The following PDZD2 variants were observed in gnomAD, a reference collection of about 807,000 sequenced individuals.
The protein encoded by PDZD2 is PDZ domain-containing protein 2.
Under a neutral mutation model 220.7 loss-of-function variants are expected in PDZD2, and 90 were observed. The ratio of observed to expected loss-of-function variants is 0.41; its 90% CI spans 0.34 to 0.49. The LOEUF (loss-of-function observed/expected upper bound fraction) is 0.49, where lower values mean the gene tolerates loss of function less well. Ranked by LOEUF, PDZD2 falls within the 20% of genes least tolerant of loss-of-function variation. The pLI, the probability that PDZD2 is intolerant of heterozygous loss-of-function variation, is 0.28. For synonymous variants in PDZD2, 1,375 were observed against 1,450.5 expected (o/e 0.95, Z 1.18); for missense variants, 3,174 against 3,608.5 (o/e 0.88, Z 3.08).
chr5:31,833,187 G>A lies in PDZD2; in HGVS notation c.476+33463G>A, dbSNP rs78597058. ...AGTGGCCACTAGAAACAAAGGTGGA[G>A]GCTGGGCCTGGTGACTCATGCCTGT... On this transcript the variant is annotated intron_variant, in intron 2 of 24. Coordinates refer to ENST00000438447, the MANE Select transcript of PDZD2 (RefSeq NM_178140.4). Among the ~76,000 whole-genome samples the A allele has an allele frequency of 1.1e-4, 16 of 152,308 alleles. No homozygotes were observed. In the East Asian group the frequency reaches 3.1e-3, roughly 29 times the overall value.
chr5:31,981,709 C>T (rs1561254872), intron 2 of PDZD2, among the ~76,000 whole-genome samples: 3 of 152,244 alleles, frequency 2.0e-5, no homozygotes, highest in East Asian at 1.9e-4. Flanking sequence ...TGCTTGGGAA[C>T]GAGTGATGTG....
chr5:31,750,477 G>A (rs148037890), intron 1 of PDZD2, among the ~76,000 whole-genome samples: 22 of 152,304 alleles, frequency 1.4e-4, no homozygotes, highest in African/African-American at 4.3e-4. Context: ...CCCTGTCCCC[G>A]TGGAGGTAGA....
At position 32,087,305 on chromosome 5, in the gene PDZD2, A is replaced by T. The variant is rs1421320722; in HGVS notation, c.3857A>T (p.His1286Leu). The T allele has an allele frequency of 1.9e-6, 3 of 1,614,022 alleles. No homozygotes were observed. Among genetic ancestry groups the T allele is most frequent in the South Asian group, 1.1e-5 (1 of 91,076 alleles). ...GCCAGGTCTCCAGTCAGGCTCCCCC[A>T]TGAGGGCAGCCCCTCCCCGGGGGAG... is the stretch of plus-strand genomic sequence containing the variant. ...CKARSPVRLP[H>L]EGSPSPGEKA... is the part of the protein sequence containing the mutation. The change falls in exon 20 of 25, where the codon CAT (histidine) becomes CTT (leucine). Residue 1286 changes from histidine to leucine, a missense_variant. Physicochemically the swap from His to Leu is moderately conservative, Grantham distance 99. Transcript: ENST00000438447. This position sits in a 1 kb window ranked among gnomAD's most constrained non-coding sequence, Gnocchi z 4.0.
At chr5:31,807,328 G>T (rs1283609098) in intron 2 of PDZD2, among the ~76,000 whole-genome samples, 1 of 152,204 alleles carries the variant, frequency 6.6e-6, no homozygotes, top group Non-Finnish European at 1.5e-5. Flanking sequence ...TACTTAGTGG[G>T]TGTGTGATGG....
chr5:31,969,229 A>G (rs1749047751), intron 2 of PDZD2, among the ~76,000 whole-genome samples: 1 of 152,098 alleles, frequency 6.6e-6, no homozygotes, highest in Admixed American at 6.6e-5. Flanking sequence ...ATGTTCAGCC[A>G]GGCACGATGG....
chr5:31,771,215 CTG>C (rs1409250549), intron 1 of PDZD2, among the ~76,000 whole-genome samples: 1 of 152,214 alleles, frequency 6.6e-6, no homozygotes, highest in Non-Finnish European at 1.5e-5. Context: ...CAGGGACTGT[CTG>C]TGACTATTTT....
At chr5:31,765,776 G>A (rs759064481) in intron 1 of PDZD2, among the ~76,000 whole-genome samples, 5 of 152,200 alleles carry the variant, frequency 3.3e-5, no homozygotes, top group African/African-American at 7.2e-5. Context: ...TGGGACCTTT[G>A]CAGGGCCTCA....
At chr5:31,665,672 T>A (rs1436431685) in intron 1 of PDZD2, among the ~76,000 whole-genome samples, 1 of 133,676 alleles carries the variant, frequency 7.5e-6, no homozygotes, top group Non-Finnish European at 1.6e-5. Context: ...TGCTGCCTTG[T>A]GAAAAGGTTC....
intron 2 of PDZD2, among the ~76,000 whole-genome samples, chr5:31,853,638 G>T (rs1057049151): frequency 4.6e-5 from 7 of 152,184 alleles, no homozygotes; most frequent in Admixed American, 3.3e-4. Flanking sequence ...AATGGTACTG[G>T]AATTGAAGCT....
intron 2 of PDZD2, among the ~76,000 whole-genome samples, chr5:31,938,913 G>A (rs995097914): frequency 6.6e-6 from 1 of 152,174 alleles, no homozygotes; most frequent in Admixed American, 6.5e-5. Context: ...GCCTCGGTAT[G>A]GAGCCATCTT....
At chr5:31,749,191 T>C (rs1032840184) in intron 1 of PDZD2, among the ~76,000 whole-genome samples, 3 of 152,194 alleles carry the variant, frequency 2.0e-5, no homozygotes, top group Non-Finnish European at 2.9e-5. Context: ...CCTGGTAGCA[T>C]TGAACATGCC....
chr5:32,090,688 A>G lies in PDZD2; in HGVS notation c.7240A>G (p.Met2414Val). The change falls in exon 20 of 25, where the codon ATG becomes GTG. Residue 2414 changes from methionine (M) to valine (V), a missense_variant. Met to Val is a conservative substitution (Grantham distance 21). This residue lies in a region of PDZD2 where 631 missense variants were observed against 789.9 expected (regional missense o/e 0.80). Coordinates refer to ENST00000438447, the MANE Select transcript of PDZD2 (RefSeq NM_178140.4). The surrounding 1 kb of genome is among the most constrained non-coding windows in gnomAD (Gnocchi z 4.3). ...QSEAGTLLPQ[M>V]AKSPSIMTLT... ...CGAAGCCGGCACCCTCCTGCCCCAG[A>G]TGGCCAAGTCTCCCTCAATCATGAC... 1.1e-5 allele frequency: 17 copies of G among 1,614,118 alleles called. No individual in the cohort carries two copies. Among genetic ancestry groups the G allele is most frequent in the Non-Finnish European group, 1.4e-5 (17 of 1,180,026 alleles).
chr5:31,906,399 G>A (rs996725916), intron 2 of PDZD2, among the ~76,000 whole-genome samples: 22 of 150,844 alleles, frequency 1.5e-4, no homozygotes, highest in Admixed American at 1.1e-3. Context: ...TGGTAGAGAC[G>A]GGGTTTCGCC....
intron 2 of PDZD2, among the ~76,000 whole-genome samples, chr5:31,879,030 G>A: frequency 6.6e-6 from 1 of 152,040 alleles, no homozygotes; most frequent in South Asian, 2.1e-4. Context: ...ATTCACTGGG[G>A]GTGGCCACCC....
At chr5:32,059,837 T>C (rs1739506953) in intron 13 of PDZD2, among the ~76,000 whole-genome samples, 2 of 152,240 alleles carry the variant, frequency 1.3e-5, no homozygotes, top group South Asian at 2.1e-4. Context: ...CCTTGTTGAA[T>C]GGCCATGTCT....
intron 14 of PDZD2, among the ~76,000 whole-genome samples, chr5:32,062,393 ATT>A (rs35709661): frequency 5.3e-4 from 75 of 141,202 alleles, no homozygotes; most frequent in East Asian, 6.2e-4. Context: ...TCAAGACTAA[ATT>A]TTTTTTTTTT....
rs770758556 is a variant in PDZD2 at position 32,100,883 on chromosome 5, A to G, written c.8219-222A>G. ...GCAGAAAACACAGAACAAAGGATGC[A>G]AGTACAGCAGCAACACAGCCAGGAG... On this transcript the variant is annotated intron_variant, in intron 23 of 24. Coordinates refer to ENST00000438447, the MANE Select transcript of PDZD2 (RefSeq NM_178140.4). 4 of 1,579,380 alleles carry G rather than the reference A, an allele frequency of 2.5e-6. No homozygotes were observed. The South Asian group carries it at 4.4e-5, about 18-fold the overall frequency.
intron 1 of PDZD2, among the ~76,000 whole-genome samples, chr5:31,650,609 T>C (rs143476350): frequency 1.7e-3 from 255 of 152,350 alleles, no homozygotes; most frequent in African/African-American, 5.9e-3. Flanking sequence ...TTCATTTCTC[T>C]TCTTCTCCAC....
intron 1 of PDZD2, among the ~76,000 whole-genome samples, chr5:31,734,121 T>C (rs994942415): frequency 1.3e-5 from 2 of 152,142 alleles, no homozygotes; most frequent in East Asian, 1.9e-4. Context: ...GAAATACTTA[T>C]GTTTACAGTT....
Sources: allele counts gnomAD v4.1 joint callset (sites outside exome capture counted in the v4.1 genomes callset), GRCh38; gene constraint gnomAD v4.1.1; regional missense constraint gnomAD v4.1.1; non-coding constraint Gnocchi (gnomAD v3.1); transcripts MANE v1.5; gene names NCBI Gene and HGNC (gene_info 2026-07-23, HGNC 2026-07-21).